Variants in ST7L observed in about 807,000 individuals in gnomAD.
ST7L encodes suppressor of tumorigenicity 7 protein-like.
A neutral mutation model predicts 72.5 loss-of-function variants in ST7L; 57 were observed. The ratio of observed to expected loss-of-function variants is 0.79; its 90% CI spans 0.64 to 0.98. ST7L has a LOEUF of 0.98. Among genes scored for constraint, ST7L ranks in the 50% least tolerant of loss-of-function variants. ST7L has a pLI of 0.00. For synonymous variants in ST7L, 221 were observed against 240.9 expected (o/e 0.92, Z 0.77); for missense variants, 576 against 672.2 (o/e 0.86, Z 1.58).
intron 2 of ST7L, among the ~76,000 whole-genome samples, chr1:112,615,042 CAGGTT>C (rs1669651834): frequency 6.6e-6 from 1 of 152,146 alleles, no homozygotes; most frequent in Admixed American, 6.5e-5. Flanking sequence ...CTCTGTCACT[CAGGTT>C]AGAGTGCAGT....
chr1:112,578,975 A>G (rs1230968553), intron 9 of ST7L, among the ~76,000 whole-genome samples: 1 of 152,226 alleles, frequency 6.6e-6, no homozygotes, highest in Non-Finnish European at 1.5e-5. Context: ...GCTAGTAGCA[A>G]CTTGTTTGAC....
intron 2 of ST7L, 64 bp from the exon 3 acceptor site, chr1:112,611,067 A>G: frequency 2.0e-6 from 3 of 1,524,008 alleles, no homozygotes; most frequent in East Asian, 4.6e-5. Context: ...CTCAAATTAA[A>G]ACATTCTCTC....
At chr1:112,615,661 G>C (rs1350619208) in intron 2 of ST7L, among the ~76,000 whole-genome samples, 1 of 152,110 alleles carries the variant, frequency 6.6e-6, no homozygotes, top group Admixed American at 6.6e-5. Context: ...CTCTGGCCTG[G>C]GCAACGTAGT....
At chr1:112,570,037 A>G (rs1304129063) in intron 11 of ST7L, among the ~76,000 whole-genome samples, 4 of 152,058 alleles carry the variant, frequency 2.6e-5, no homozygotes, top group African/African-American at 9.7e-5. Flanking sequence ...AATGAATGAA[A>G]CAGAATGCAG....
intron 11 of ST7L, among the ~76,000 whole-genome samples, chr1:112,560,941 C>A (rs1208103061): frequency 6.9e-6 from 1 of 145,712 alleles, no homozygotes; most frequent in Admixed American, 7.1e-5. Context: ...CCAGCCTGGG[C>A]GACAACAGCA....
At chr1:112,595,431 G>C (rs990106414) in intron 5 of ST7L, among the ~76,000 whole-genome samples, 2 of 149,562 alleles carry the variant, frequency 1.3e-5, no homozygotes, top group Non-Finnish European at 3.0e-5. Context: ...TGCTTGCTTG[G>C]TTGTTTTTTT....
intron 2 of ST7L, among the ~76,000 whole-genome samples, chr1:112,615,764 G>C (rs1464818802): frequency 6.6e-6 from 1 of 152,034 alleles, no homozygotes; most frequent in Non-Finnish European, 1.5e-5. Flanking sequence ...TTTTGAGAAA[G>C]GGTTTCTCTC....
At chr1:112,554,143 G>A (rs1052185900) in intron 12 of ST7L, among the ~76,000 whole-genome samples, 1 of 152,186 alleles carries the variant, frequency 6.6e-6, no homozygotes, top group Non-Finnish European at 1.5e-5. Flanking sequence ...CAATTTTAGT[G>A]AATAAGCATT....
intron 3 of ST7L, among the ~76,000 whole-genome samples, chr1:112,604,438 T>C (rs1292463782): frequency 6.6e-6 from 1 of 152,074 alleles, no homozygotes; most frequent in Non-Finnish European, 1.5e-5. Flanking sequence ...AGGCTCAAGG[T>C]ACAATTCATT....
chr1:112,619,644 C>T (rs1042574375), upstream of ST7L: 8 of 589,210 alleles, frequency 1.4e-5, no homozygotes, highest in African/African-American at 1.9e-5. Flanking sequence ...TTCAAATCAC[C>T]TAAGGCAAAC....
intron 3 of ST7L, among the ~76,000 whole-genome samples, chr1:112,602,951 C>T (rs1271897606): frequency 3.9e-5 from 6 of 151,940 alleles, no homozygotes; most frequent in Admixed American, 3.3e-4. Flanking sequence ...ATCTGCTGAC[C>T]TCGTGATCCA....
In ST7L at chr1:112,598,322, C is replaced by T. The variant is rs75975137; in HGVS notation, c.507-236G>A. ...ACTGCTTCTGAAAATTGAATTGGGCCGGGTGCCGTGGCTCATGCCTGTAAT... is the reference window on the plus strand; with the variant it reads ...ACTGCTTCTGAAAATTGAATTGGGCTGGGTGCCGTGGCTCATGCCTGTAAT... On this transcript the variant is annotated intron_variant, in intron 4 of 14. Transcript: ENST00000358039. Among the ~76,000 whole-genome samples, 339 of 151,834 alleles carry T rather than the reference C, an allele frequency of 2.2e-3. 12 individuals are homozygous for T. The East Asian group carries it at 0.06, about 27-fold the overall frequency.
At chr1:112,578,511 C>G (rs918994540) in intron 9 of ST7L, 94 bp from the exon 10 acceptor site, 111 of 1,120,918 alleles carry the variant, frequency 9.9e-5, no homozygotes, top group Non-Finnish European at 1.3e-4. Flanking sequence ...CATGGTGGCT[C>G]ATGCCTATAA....
At chr1:112,618,787 A>G in intron 1 of ST7L, 122 bp downstream of exon 1, 7 of 1,451,418 alleles carry the variant, frequency 4.8e-6, no homozygotes, top group Non-Finnish European at 6.4e-6. Flanking sequence ...AACTCACTTG[A>G]TCGCTCATCA....
chr1:112,571,316 G>A (rs74862275), intron 11 of ST7L: 17,425 of 456,132 alleles, frequency 0.038, 491 homozygotes, highest in Non-Finnish European at 0.053. Flanking sequence ...CAACTGCTTT[G>A]ATATTTAGTT....
At chr1:112,606,278 ATC>A (rs1668227678) in intron 3 of ST7L, among the ~76,000 whole-genome samples, 2 of 152,144 alleles carry the variant, frequency 1.3e-5, no homozygotes, top group Non-Finnish European at 2.9e-5. Flanking sequence ...TCTCCTATTC[ATC>A]TCTTTCCTTT....
At position 112,615,022 on chromosome 1, in the gene ST7L, CAG is replaced by C. The variant is rs532265530; in HGVS notation, c.288+1789_288+1790del. 2.3e-3 allele frequency among the ~76,000 whole-genome samples: 343 copies of C among 152,070 alleles called. 2 individuals are homozygous for C. Among genetic ancestry groups the C allele is most frequent in the Non-Finnish European group, 3.9e-3 (267 of 68,000 alleles). On this transcript the variant is annotated intron_variant, in intron 2 of 14. Coordinates refer to ENST00000358039, the MANE Select transcript of ST7L (RefSeq NM_017744.5). ...GTTTTGTTGTTTTTGTTTTTTGAAACAGAGTCTTGCTCTGTCACTCAGGTTAG... is the reference window on the plus strand; with the variant it reads ...GTTTTGTTGTTTTTGTTTTTTGAAACAGTCTTGCTCTGTCACTCAGGTTAG...
In ST7L at chr1:112,553,292, G is replaced by A. The variant is rs547388238; in HGVS notation, c.1396+2576C>T. Reference sequence around the variant, plus strand: ...AGAGAATCTTGCTATGTTGCCCAGGGTGGTCTCAAATTTCTGGCCTCAAGT... The same window carrying A: ...AGAGAATCTTGCTATGTTGCCCAGGATGGTCTCAAATTTCTGGCCTCAAGT... On this transcript the variant is annotated intron_variant, in intron 12 of 14. Coordinates refer to ENST00000358039, the MANE Select transcript of ST7L (RefSeq NM_017744.5). Among the ~76,000 whole-genome samples the A allele has an allele frequency of 8.6e-5, 13 of 151,692 alleles. No individual in the cohort carries two copies. The South Asian group carries it at 2.7e-3, about 32-fold the overall frequency.
chr1:112,537,954 A>T (rs886691255), intron 14 of ST7L, among the ~76,000 whole-genome samples: 2 of 152,260 alleles, frequency 1.3e-5, no homozygotes, highest in Non-Finnish European at 2.9e-5. Context: ...TACAGTGAGA[A>T]TTATTTAAAA....
Sources: allele counts gnomAD v4.1 joint callset (sites outside exome capture counted in the v4.1 genomes callset), GRCh38; gene constraint gnomAD v4.1.1; transcripts MANE v1.5; gene names NCBI Gene and HGNC (gene_info 2026-07-23, HGNC 2026-07-21).